FGF14: variants seen among roughly 807,000 people sequenced by gnomAD.
FGF14 encodes the protein fibroblast growth factor homologous factor 4.
A neutral mutation model predicts 25.5 loss-of-function variants in FGF14; 5 were observed. The observed-to-expected ratio is 0.20, with a 90% CI of 0.10 to 0.41. The LOEUF (loss-of-function observed/expected upper bound fraction) is 0.41. FGF14 is among the 10% of genes least tolerant of loss of function. FGF14 has a pLI of 1.00. For missense variants in FGF14, 222 were observed against 320.1 expected (o/e 0.69, Z 2.34); for synonymous variants, 138 against 118.3 (o/e 1.17, Z -1.08).
intron 3 of FGF14, among the ~76,000 whole-genome samples, chr13:101,764,195 C>A (rs2038233968): frequency 6.6e-6 from 1 of 152,090 alleles, no homozygotes; most frequent in Admixed American, 6.6e-5. Flanking sequence ...ACTCTGATTC[C>A]AATATACTTT....
intron 1 of FGF14, among the ~76,000 whole-genome samples, chr13:102,051,292 A>G (rs1232924081): frequency 1.3e-5 from 2 of 152,134 alleles, no homozygotes; most frequent in Non-Finnish European, 2.9e-5. Flanking sequence ...TTTCTGCTCC[A>G]CAAGTATCCA....
At chr13:101,799,956 G>T (rs982016798) in intron 3 of FGF14, among the ~76,000 whole-genome samples, 1 of 152,080 alleles carries the variant, frequency 6.6e-6, no homozygotes, top group Non-Finnish European at 1.5e-5. Context: ...CAGACTTAGT[G>T]CAGACAAATG....
intron 1 of FGF14, among the ~76,000 whole-genome samples, chr13:102,287,186 G>C (rs1374178091): frequency 6.6e-6 from 1 of 152,244 alleles, no homozygotes; most frequent in East Asian, 1.9e-4. Flanking sequence ...TAGTGATAGC[G>C]ATTAGGAAGA....
intron 3 of FGF14, among the ~76,000 whole-genome samples, chr13:101,817,329 G>C (rs879289358): frequency 6.6e-6 from 1 of 151,066 alleles, no homozygotes; most frequent in Non-Finnish European, 1.5e-5. Context: ...AATTAACAAA[G>C]AATCTTTAAA....
chr13:102,305,364 T>G, intron 1 of FGF14, among the ~76,000 whole-genome samples: 1 of 152,246 alleles, frequency 6.6e-6, no homozygotes, highest in East Asian at 1.9e-4. Context: ...GAAGCATAAT[T>G]TTCTGCTGTT....
intron 1 of FGF14, among the ~76,000 whole-genome samples, chr13:101,982,458 A>T (rs950122059): frequency 1.5e-4 from 23 of 152,326 alleles, no homozygotes; most frequent in Middle Eastern, 3.4e-3. Context: ...AAAGCTTTGA[A>T]TACTGCCATA....
intron 3 of FGF14, among the ~76,000 whole-genome samples, chr13:101,816,232 T>A (rs1050216594): frequency 7.1e-6 from 1 of 141,098 alleles, no homozygotes; most frequent in African/African-American, 2.7e-5. Flanking sequence ...ATCGCGCCAC[T>A]GCACTCCAAC....
chr13:102,394,300 C>T (rs1258616500), intron 1 of FGF14: 1 of 152,424 alleles, frequency 6.6e-6, no homozygotes, highest in African/African-American at 2.4e-5. Flanking sequence ...TTTCCCATCC[C>T]TCAGGTCCAG....
At chr13:101,994,586 G>C (rs1283962660) in intron 1 of FGF14, among the ~76,000 whole-genome samples, 1 of 151,942 alleles carries the variant, frequency 6.6e-6, no homozygotes, top group Non-Finnish European at 1.5e-5. Context: ...TCAGCTACCA[G>C]TCAGGTAAAC....
intron 1 of FGF14, among the ~76,000 whole-genome samples, chr13:102,018,596 T>C (rs1304369049): frequency 6.6e-6 from 1 of 151,912 alleles, no homozygotes; most frequent in African/African-American, 2.4e-5. Context: ...AGGCCTCTTC[T>C]TCCTCTTCCT....
intron 1 of FGF14, among the ~76,000 whole-genome samples, chr13:102,016,521 T>C (rs895071327): frequency 1.7e-4 from 26 of 152,198 alleles, no homozygotes; most frequent in Non-Finnish European, 2.6e-4. Context: ...GTGAGCTGTA[T>C]TGTACAGGTC....
At chr13:101,872,868 C>A (rs780327977) in intron 2 of FGF14, among the ~76,000 whole-genome samples, 1 of 151,966 alleles carries the variant, frequency 6.6e-6, no homozygotes, top group South Asian at 2.1e-4. Context: ...GGAATTTGAG[C>A]CCCTCGAGTG....
At chr13:101,788,899 TATATATATATAGAGAGAGAG>T (rs1399171610) in intron 3 of FGF14, among the ~76,000 whole-genome samples, 292 of 47,348 alleles carry the variant, frequency 6.2e-3, no homozygotes, top group African/African-American at 0.018. Context: ...TATATATATA[TATATATATATAGAGAGAGAG>T]AGAGAGAGAG....
intron 1 of FGF14, among the ~76,000 whole-genome samples, chr13:102,253,885 G>C (rs970429096): frequency 6.6e-6 from 1 of 152,170 alleles, no homozygotes; most frequent in Non-Finnish European, 1.5e-5. Context: ...GAACCCTTGT[G>C]ATTAGAAGTA....
At chr13:102,116,613 T>A (rs2045484443) in intron 1 of FGF14, among the ~76,000 whole-genome samples, 1 of 152,098 alleles carries the variant, frequency 6.6e-6, no homozygotes, top group South Asian at 2.1e-4. Flanking sequence ...AGTGCCAGAA[T>A]GGGCAAATTA....
chr13:101,884,062 C>CAAAAAAAAAAAAAAAAAAAAAAAAAAA (rs11315735), intron 1 of FGF14, among the ~76,000 whole-genome samples: 6 of 37,832 alleles, frequency 1.6e-4, no homozygotes, highest in Non-Finnish European at 1.8e-4. Flanking sequence ...GACTCCATCT[C>CAAAAAAAAAAAAAAAAAAAAAAAAAAA]AAAAAAAAAA....
chr13:102,325,803 G>A (rs759436468), intron 1 of FGF14, among the ~76,000 whole-genome samples: 6 of 150,930 alleles, frequency 4.0e-5, no homozygotes, highest in Non-Finnish European at 7.4e-5. Flanking sequence ...TAAGCTCAAC[G>A]AAGGCACAGA....
At chr13:101,912,426 G>A (rs565916532) in intron 1 of FGF14, among the ~76,000 whole-genome samples, 1 of 152,210 alleles carries the variant, frequency 6.6e-6, no homozygotes, top group Non-Finnish European at 1.5e-5. Context: ...AACAATTATG[G>A]TTCTTGTTTG....
At chr13:102,111,896 C>T (rs2045247560) in intron 1 of FGF14, among the ~76,000 whole-genome samples, 1 of 151,990 alleles carries the variant, frequency 6.6e-6, no homozygotes, top group African/African-American at 2.4e-5. Context: ...TCTCCTGTGA[C>T]ATGCAAGAAC....
Sources: gnomAD v4.1 joint callset for allele counts (sites outside exome capture counted in the v4.1 genomes callset) on GRCh38, gnomAD v4.1.1 for gene constraint, MANE v1.5 for transcripts, NCBI Gene and HGNC (gene_info 2026-07-23, HGNC 2026-07-21) for gene names.